Variants in KCNH8 observed in about 807,000 individuals in gnomAD.
KCNH8 encodes the protein potassium voltage-gated channel subfamily H member 8, also known as voltage-gated delayed rectifier potassium channel KCNH8.
A neutral mutation model predicts 103.6 loss-of-function variants in KCNH8; 70 were observed. The observed-to-expected ratio is 0.68, with a 90% confidence interval of 0.56 to 0.82. The LOEUF (loss-of-function observed/expected upper bound fraction) is 0.82. Among genes scored for constraint, KCNH8 ranks in the 40% least tolerant of loss-of-function variants. The pLI, the probability that KCNH8 is intolerant of heterozygous loss-of-function variation, is 0.00. For synonymous variants in KCNH8, 498 were observed against 489.4 expected (o/e 1.02, Z -0.23); for missense variants, 1,217 against 1,329.9 (o/e 0.92, Z 1.32).
intron 1 of KCNH8, among the ~76,000 whole-genome samples, chr3:19,235,356 C>T (rs1559435529): frequency 6.6e-6 from 1 of 151,924 alleles, no homozygotes; most frequent in Non-Finnish European, 1.5e-5. Context: ...TTTATATACA[C>T]AAAAATATGA....
rs189395450 is a variant in KCNH8, at chr3:19,170,960, C to T, written c.76+22165C>T. 1.2e-3 allele frequency among the ~76,000 whole-genome samples: 188 copies of T among 151,828 alleles called. 3 individuals are homozygous for T. In the East Asian group the frequency reaches 0.032, roughly 26 times the overall value. Reference sequence around the variant, plus strand: ...CCGAGCAGCTGGGACTACAGGCATCCGCCACTGCGCCCGGCTAATTTTTTG... The same window carrying T: ...CCGAGCAGCTGGGACTACAGGCATCTGCCACTGCGCCCGGCTAATTTTTTG... On this transcript the variant is annotated intron_variant, in intron 1 of 15. Transcript: ENST00000328405.
At chr3:19,320,335 C>G (rs2065333270) in intron 3 of KCNH8, among the ~76,000 whole-genome samples, 1 of 151,980 alleles carries the variant, frequency 6.6e-6, no homozygotes, top group South Asian at 2.1e-4. Context: ...TATGACCCTT[C>G]TGTGCTGATT....
At chr3:19,433,003 G>GT (rs1017483799) in intron 7 of KCNH8, among the ~76,000 whole-genome samples, 8 of 151,450 alleles carry the variant, frequency 5.3e-5, no homozygotes, top group Non-Finnish European at 8.8e-5. Flanking sequence ...CTTGTCTTTT[G>GT]TTTTTTTTGG....
chr3:19,276,728 G>A lies in KCNH8; in HGVS notation c.311-4470G>A, dbSNP rs189426989. Among the ~76,000 whole-genome samples, 5 of 152,190 alleles carry A rather than the reference G, an allele frequency of 3.3e-5. No individual in the cohort carries two copies. In the East Asian group the frequency reaches 9.7e-4, roughly 29 times the overall value. On this transcript the variant is annotated intron_variant, in intron 2 of 15. Coordinates refer to ENST00000328405, the MANE Select transcript of KCNH8 (RefSeq NM_144633.3). ...AATATATTTTAGTGCTGTCTGGAAA[G>A]CATATGAGTTCTCTAATAATTATAA...
chr3:19,266,819 C>T (rs2064519285), intron 2 of KCNH8, among the ~76,000 whole-genome samples: 1 of 152,088 alleles, frequency 6.6e-6, no homozygotes, highest in Non-Finnish European at 1.5e-5. Flanking sequence ...TACCTTTCCT[C>T]CCAAGAAAGA....
intron 11 of KCNH8, among the ~76,000 whole-genome samples, chr3:19,505,584 G>A (rs1466748954): frequency 6.6e-6 from 1 of 152,054 alleles, no homozygotes; most frequent in African/African-American, 2.4e-5. Context: ...CTCTCTAGCT[G>A]CCTTTAACAT....
intron 5 of KCNH8, among the ~76,000 whole-genome samples, chr3:19,358,549 A>T (rs1355270069): frequency 1.3e-5 from 2 of 152,030 alleles, no homozygotes; most frequent in Admixed American, 6.6e-5. Flanking sequence ...TTGACAAATT[A>T]GATTAACCAT....
chr3:19,349,557 A>G (rs987857178), intron 5 of KCNH8, among the ~76,000 whole-genome samples: 2 of 152,036 alleles, frequency 1.3e-5, no homozygotes, highest in Non-Finnish European at 2.9e-5. Flanking sequence ...GTTATTTACA[A>G]CTTTGTTATT....
intron 8 of KCNH8, chr3:19,448,890 A>C (rs2067401624): frequency 2.4e-6 from 2 of 831,638 alleles, no homozygotes; most frequent in Admixed American, 2.4e-5. Flanking sequence ...TGAATTATCC[A>C]TAAATATGAA....
At chr3:19,301,681 C>T (rs1455633812) in intron 3 of KCNH8, among the ~76,000 whole-genome samples, 1 of 151,992 alleles carries the variant, frequency 6.6e-6, no homozygotes, top group Admixed American at 6.6e-5. Context: ...TAGTGAAGAC[C>T]CCACAGGTTA....
At chr3:19,276,783 G>A (rs2064679296) in intron 2 of KCNH8, among the ~76,000 whole-genome samples, 1 of 152,124 alleles carries the variant, frequency 6.6e-6, no homozygotes, top group African/African-American at 2.4e-5. Flanking sequence ...CAGCTACTAT[G>A]AAGAAAAGTA....
Position 19,513,263 on chromosome 3 carries a change from G to C in KCNH8, c.2373G>C (p.Glu791Asp). ...CCCCCAACCATAATAAAAGGAAAGA[G>C]AAGAACTTGAAATTGCAACTTTCAA... ...IDPPNHNKRKEKNLKLQLSTL... is the reference protein window; with the variant it reads ...IDPPNHNKRKDKNLKLQLSTL... Residue 791 changes from glutamate (E) to aspartate (D), a missense_variant, in exon 13 of 16, where the codon GAG becomes GAC. Physicochemically the swap from Glu to Asp is conservative, Grantham distance 45. Around this residue, in one of 3 missense-constraint regions of KCNH8, gnomAD observed 558 missense variants for 495.8 expected, o/e 1.13. Coordinates refer to ENST00000328405, the MANE Select transcript of KCNH8 (RefSeq NM_144633.3). The C allele has an allele frequency of 6.2e-7, 1 of 1,612,902 alleles. No homozygotes were observed. Among genetic ancestry groups the C allele is most frequent in the African/African-American group, 1.3e-5 (1 of 74,882 alleles).
At position 19,354,839 on chromosome 3, in the gene KCNH8, A is replaced by C. The variant is rs540630934; in HGVS notation, c.811+6874A>C. On this transcript the variant is annotated intron_variant, in intron 5 of 15. Coordinates refer to ENST00000328405, the MANE Select transcript of KCNH8 (RefSeq NM_144633.3). ...GGCATGTGCAAGGACTTCATGTCTAAAACACCAAAAGCAATGGCAACAAAA... is the reference window on the plus strand; with the variant it reads ...GGCATGTGCAAGGACTTCATGTCTACAACACCAAAAGCAATGGCAACAAAA... Among the ~76,000 whole-genome samples the C allele has an allele frequency of 1.8e-4, 27 of 152,316 alleles. No homozygotes were observed. The East Asian group carries it at 2.5e-3, about 14-fold the overall frequency.
At chr3:19,165,719 A>G (rs1251241454) in intron 1 of KCNH8, among the ~76,000 whole-genome samples, 3 of 152,204 alleles carry the variant, frequency 2.0e-5, no homozygotes, top group Non-Finnish European at 2.9e-5. Flanking sequence ...CTTGTTTTCT[A>G]TGTTAGTTAT....
chr3:19,486,134 C>T (rs532458692), intron 11 of KCNH8, among the ~76,000 whole-genome samples: 2 of 152,312 alleles, frequency 1.3e-5, no homozygotes, highest in East Asian at 3.9e-4. Context: ...TGAAGCTGCT[C>T]CCATCTACAT....
intron 3 of KCNH8, among the ~76,000 whole-genome samples, chr3:19,289,157 T>G (rs1167404887): frequency 6.6e-5 from 10 of 152,096 alleles, no homozygotes; most frequent in East Asian, 1.9e-4. Flanking sequence ...TTGCAAAAAT[T>G]TTCTCCCATT....
At chr3:19,182,324 T>C (rs111431444) in intron 1 of KCNH8, among the ~76,000 whole-genome samples, 3,166 of 151,850 alleles carry the variant, frequency 0.021, 112 homozygotes, top group African/African-American at 0.07. Flanking sequence ...GTCAGGAGAT[T>C]GAGACCATCC....
intron 3 of KCNH8, among the ~76,000 whole-genome samples, chr3:19,305,736 A>G (rs2065121865): frequency 6.6e-6 from 1 of 152,090 alleles, no homozygotes; most frequent in Non-Finnish European, 1.5e-5. Flanking sequence ...GAAAACAAAA[A>G]CTTGTATAGA....
intron 8 of KCNH8, among the ~76,000 whole-genome samples, chr3:19,445,723 T>A (rs1209667575): frequency 6.6e-6 from 1 of 151,560 alleles, no homozygotes; most frequent in Non-Finnish European, 1.5e-5. Context: ...CTTTAGCGAG[T>A]GAGATGGGGA....
Sources: gnomAD v4.1 joint callset for allele counts (sites outside exome capture counted in the v4.1 genomes callset) on GRCh38, gnomAD v4.1.1 for gene constraint, gnomAD v4.1.1 regional missense constraint, MANE v1.5 for transcripts, NCBI Gene and HGNC (gene_info 2026-07-23, HGNC 2026-07-21) for gene names.